Variants in OPCML observed in about 807,000 individuals in gnomAD.
OPCML encodes opioid-binding protein/cell adhesion molecule.
OPCML carries 13 observed loss-of-function variants against 37.8 expected under a neutral mutation model. The observed-to-expected ratio is 0.34, with a 90% CI of 0.22 to 0.55. The LOEUF (loss-of-function observed/expected upper bound fraction) is 0.55. Among genes scored for constraint, OPCML ranks in the 20% least tolerant of loss-of-function variants. OPCML has a pLI of 0.91. For synonymous variants in OPCML, 176 were observed against 168.8 expected (o/e 1.04, Z -0.33); for missense variants, 341 against 435.6 (o/e 0.78, Z 1.93).
intron 1 of OPCML, among the ~76,000 whole-genome samples, chr11:133,130,271 T>C (rs1047809843): frequency 5.9e-5 from 9 of 151,316 alleles, no homozygotes; most frequent in Non-Finnish European, 1.2e-4. Flanking sequence ...AGAAAATATA[T>C]GATAAAAGAA....
chr11:132,911,210 T>C (rs543932873), intron 2 of OPCML, among the ~76,000 whole-genome samples: 2 of 152,326 alleles, frequency 1.3e-5, no homozygotes, highest in African/African-American at 4.8e-5. Context: ...ATGTGCAGGG[T>C]CAACTTTGCG....
At chr11:133,415,139 G>C (rs937325895) in intron 1 of OPCML, among the ~76,000 whole-genome samples, 4 of 152,152 alleles carry the variant, frequency 2.6e-5, no homozygotes, top group African/African-American at 7.2e-5. Context: ...GCCAGGCACG[G>C]TGGCTCAAGC....
At chr11:132,880,929 C>T (rs1420788071) in intron 2 of OPCML, among the ~76,000 whole-genome samples, 1 of 152,210 alleles carries the variant, frequency 6.6e-6, no homozygotes, top group Admixed American at 6.5e-5. Flanking sequence ...CTCCCCACCC[C>T]CACTTCCATT....
At chr11:132,457,783 T>TGGGG (rs2096087528) in intron 4 of OPCML, among the ~76,000 whole-genome samples, 1 of 152,176 alleles carries the variant, frequency 6.6e-6, no homozygotes, top group South Asian at 2.1e-4. Context: ...CTGAGCCCTC[T>TGGGG]GGGGAACTGA....
chr11:132,731,590 T>C (rs953550532), intron 2 of OPCML, among the ~76,000 whole-genome samples: 2 of 152,178 alleles, frequency 1.3e-5, no homozygotes, highest in Non-Finnish European at 2.9e-5. Context: ...TTTGAGGCCA[T>C]TGTAAGGTTA....
intron 1 of OPCML, among the ~76,000 whole-genome samples, chr11:133,450,657 G>A (rs1474162199): frequency 6.6e-6 from 1 of 151,664 alleles, no homozygotes; most frequent in Non-Finnish European, 1.5e-5. Flanking sequence ...AGCCTGGGTA[G>A]GTCACAATCC....
chr11:132,895,667 A>G (rs1943810858), intron 2 of OPCML, among the ~76,000 whole-genome samples: 1 of 152,134 alleles, frequency 6.6e-6, no homozygotes, highest in African/African-American at 2.4e-5. Context: ...TTGCTAGCAG[A>G]AGTGGTTCCC....
intron 2 of OPCML, among the ~76,000 whole-genome samples, chr11:132,673,648 C>A (rs1444045402): frequency 1.3e-5 from 2 of 152,112 alleles, no homozygotes; most frequent in Non-Finnish European, 2.9e-5. Context: ...GGAGAAAGCA[C>A]TTTCTGTTTT....
chr11:133,420,270 G>C, intron 1 of OPCML: 4 of 985,238 alleles, frequency 4.1e-6, no homozygotes, highest in Non-Finnish European at 4.8e-6. Flanking sequence ...CAGATCCAAA[G>C]ATACTCCTGA....
intron 1 of OPCML, among the ~76,000 whole-genome samples, chr11:133,274,783 T>C (rs1941945833): frequency 6.6e-6 from 1 of 152,130 alleles, no homozygotes; most frequent in African/African-American, 2.4e-5. Context: ...TTACAAAGAA[T>C]TAATTAGTCA....
chr11:132,641,879 G>A (rs534898670), intron 3 of OPCML, among the ~76,000 whole-genome samples: 113 of 152,304 alleles, frequency 7.4e-4, no homozygotes, highest in African/African-American at 2.5e-3. Flanking sequence ...TGGATTAGCC[G>A]TGGCCAGTGC....
At position 132,828,348 on chromosome 11, in the gene OPCML, G is replaced by A. The variant is rs374831911; in HGVS notation, c.146+114578C>T. On this transcript the variant is annotated intron_variant, in intron 2 of 7. Coordinates refer to ENST00000524381, the MANE Select transcript of OPCML (RefSeq NM_001012393.5). Reference sequence around the variant, plus strand: ...CATTACACATTTGCCAAAACCCAGCGAGCGCACAGCACCAAGAGTGAACCC... The same window carrying A: ...CATTACACATTTGCCAAAACCCAGCAAGCGCACAGCACCAAGAGTGAACCC... Among the ~76,000 whole-genome samples the A allele has an allele frequency of 1.6e-4, 24 of 152,184 alleles. No homozygotes were observed. In the East Asian group the frequency reaches 4.1e-3, roughly 26 times the overall value.
At chr11:132,875,590 G>C (rs761169621) in intron 2 of OPCML, among the ~76,000 whole-genome samples, 1 of 151,328 alleles carries the variant, frequency 6.6e-6, no homozygotes, top group Non-Finnish European at 1.5e-5. Flanking sequence ...TCAGCCTCCC[G>C]AGTAGCTGTG....
chr11:133,112,004 T>C (rs1471781985), intron 1 of OPCML, among the ~76,000 whole-genome samples: 3 of 152,148 alleles, frequency 2.0e-5, no homozygotes, highest in African/African-American at 4.8e-5. Context: ...CTACAGACAC[T>C]GGATGGGGGA....
At chr11:133,021,450 G>A (rs569622318) in intron 1 of OPCML, among the ~76,000 whole-genome samples, 105 of 152,052 alleles carry the variant, frequency 6.9e-4, no homozygotes, top group Non-Finnish European at 1.3e-3. Context: ...TTCACAAGCC[G>A]AAGACACATT....
intron 3 of OPCML, among the ~76,000 whole-genome samples, chr11:132,617,242 G>A (rs1021011452): frequency 6.6e-6 from 1 of 152,184 alleles, no homozygotes; most frequent in African/African-American, 2.4e-5. Flanking sequence ...GGAGGGGGTT[G>A]AGAAAAATCC....
intron 1 of OPCML, among the ~76,000 whole-genome samples, chr11:133,215,719 T>A (rs1207314810): frequency 6.6e-6 from 1 of 152,138 alleles, no homozygotes; most frequent in African/African-American, 2.4e-5. Context: ...CAGGTCACAC[T>A]GACCTGGCAG....
chr11:132,595,203 G>C (rs532405956), intron 3 of OPCML, among the ~76,000 whole-genome samples: 1 of 152,196 alleles, frequency 6.6e-6, no homozygotes, highest in South Asian at 2.1e-4. Flanking sequence ...AGGGGAGGGG[G>C]AGGTCGGGGA....
At chr11:132,748,631 A>G (rs1358464129) in intron 2 of OPCML, among the ~76,000 whole-genome samples, 11 of 152,122 alleles carry the variant, frequency 7.2e-5, no homozygotes, top group Non-Finnish European at 7.4e-5. Flanking sequence ...GAGCGGTGCG[A>G]GGGAGGGGCC....
Sources: allele counts gnomAD v4.1 joint callset (sites outside exome capture counted in the v4.1 genomes callset), GRCh38; gene constraint gnomAD v4.1.1; transcripts MANE v1.5; gene names NCBI Gene and HGNC (gene_info 2026-07-23, HGNC 2026-07-21).